ASCC3: variants seen among roughly 807,000 people sequenced by gnomAD.
ASCC3 encodes ASC-1 complex subunit P200.
Under a neutral mutation model 256.3 loss-of-function variants are expected in ASCC3, and 158 were observed. The ratio of observed to expected loss-of-function variants is 0.62; its 90% CI spans 0.54 to 0.70. The LOEUF is 0.70. Ranked by LOEUF, ASCC3 falls within the 30% of genes least tolerant of loss-of-function variation. The pLI, the probability that ASCC3 is intolerant of heterozygous loss-of-function variation, is 0.00. For missense variants in ASCC3, 2,259 were observed against 2,626.0 expected, an observed-to-expected ratio of 0.86 and a Z score of 3.05; for synonymous variants, 948 against 883.4, an observed-to-expected ratio of 1.07 and a Z score of -1.30.
At chr6:100,622,572 C>T (rs1483731595) in intron 30 of ASCC3, among the ~76,000 whole-genome samples, 2 of 151,772 alleles carry the variant, frequency 1.3e-5, no homozygotes, top group African/African-American at 2.4e-5. Flanking sequence ...ACTAATACAC[C>T]TATGTAACAA....
At chr6:100,787,555 T>C (rs749164057) in intron 8 of ASCC3, among the ~76,000 whole-genome samples, 1 of 152,040 alleles carries the variant, frequency 6.6e-6, no homozygotes, top group Non-Finnish European at 1.5e-5. Context: ...ATCGAAGACA[T>C]AGAATAACCA....
rs1458213978 is a variant in ASCC3, at chr6:100,577,308, T to G, written c.5550+12326A>C. Among the ~76,000 whole-genome samples, 3 of 152,172 alleles carry G rather than the reference T, an allele frequency of 2.0e-5. 1 individual carries two copies. The Middle Eastern group carries it at 0.01, about 518-fold the overall frequency. On this transcript the variant is annotated intron_variant, in intron 36 of 41. Coordinates refer to ENST00000369162, the MANE Select transcript of ASCC3 (RefSeq NM_006828.4). ...AAGTAATAAATCAGATGGAACCTCC[T>G]ACTAACTGTGAAAAAGTTACTGTTT...
chr6:100,722,877 C>T (rs182494812), intron 11 of ASCC3, among the ~76,000 whole-genome samples: 1 of 151,804 alleles, frequency 6.6e-6, no homozygotes, highest in African/African-American at 2.4e-5. Context: ...AGCAGCAATT[C>T]ATTGCATAAA....
rs1396700407 is a variant in ASCC3, at chr6:100,861,077, G to C, written c.241+2987C>G. ...AGGAGGTGGTAAAAGGCTGAAATGG[G>C]GCAATGGTAAATATACAGAGTAAAT... On this transcript the variant is annotated intron_variant, in intron 3 of 41. Transcript: ENST00000369162. 2.0e-5 allele frequency among the ~76,000 whole-genome samples: 3 copies of C among 152,048 alleles called. No homozygotes were observed. The East Asian group carries it at 5.8e-4, about 29-fold the overall frequency.
chr6:100,752,636 A>G (rs1780990680), intron 10 of ASCC3, among the ~76,000 whole-genome samples: 1 of 152,076 alleles, frequency 6.6e-6, no homozygotes, highest in Non-Finnish European at 1.5e-5. Context: ...TTATCCTCCA[A>G]CCTTTTAGAA....
intron 13 of ASCC3, among the ~76,000 whole-genome samples, chr6:100,685,937 C>T (rs1777548347): frequency 6.6e-6 from 1 of 152,178 alleles, no homozygotes; most frequent in Non-Finnish European, 1.5e-5. Context: ...CATCTGACCA[C>T]ATTCTTATTC....
chr6:100,534,967 G>A (rs922688485), intron 37 of ASCC3, among the ~76,000 whole-genome samples: 3 of 152,158 alleles, frequency 2.0e-5, no homozygotes, highest in East Asian at 1.9e-4. Context: ...ATGATAAAGC[G>A]AGGAAATAAA....
intron 36 of ASCC3, among the ~76,000 whole-genome samples, chr6:100,587,465 C>T (rs1446639492): frequency 6.6e-6 from 1 of 152,154 alleles, no homozygotes; most frequent in South Asian, 2.1e-4. Flanking sequence ...ATTAAGAAAA[C>T]AGTGTGATAC....
chr6:100,743,745 C>A (rs977779693), intron 10 of ASCC3, among the ~76,000 whole-genome samples: 26 of 152,144 alleles, frequency 1.7e-4, no homozygotes, highest in African/African-American at 6.3e-4. Flanking sequence ...TTCACTCATG[C>A]ATTTATCAAA....
intron 4 of ASCC3, among the ~76,000 whole-genome samples, chr6:100,821,598 G>A (rs1207059195): frequency 6.6e-6 from 1 of 152,138 alleles, no homozygotes; most frequent in East Asian, 1.9e-4. Flanking sequence ...GGCTGAGGTG[G>A]GTGGATCACA....
chr6:100,603,182 A>C (rs1228043304), intron 33 of ASCC3, among the ~76,000 whole-genome samples: 1 of 152,088 alleles, frequency 6.6e-6, no homozygotes, highest in Admixed American at 6.6e-5. Flanking sequence ...TGAATAAATA[A>C]ATTATGAAAT....
intron 5 of ASCC3, 31 bp from the exon 6 acceptor site, chr6:100,800,535 T>A: frequency 6.7e-7 from 1 of 1,495,386 alleles, no homozygotes; most frequent in Non-Finnish European, 9.2e-7. Context: ...ACACAATGTT[T>A]TATAAATCTG....
intron 14 of ASCC3, among the ~76,000 whole-genome samples, chr6:100,666,433 C>T (rs1280331096): frequency 2.6e-5 from 4 of 152,110 alleles, no homozygotes; most frequent in African/African-American, 9.7e-5. Flanking sequence ...TTTGCATTTG[C>T]ATCAGCATTG....
At chr6:100,803,035 T>C (rs1769998755) in intron 5 of ASCC3, among the ~76,000 whole-genome samples, 1 of 151,980 alleles carries the variant, frequency 6.6e-6, no homozygotes, top group South Asian at 2.1e-4. Flanking sequence ...TCAGTAAATA[T>C]CTCTTTATTA....
chr6:100,517,503 C>T (rs1774092528), intron 38 of ASCC3, among the ~76,000 whole-genome samples: 1 of 152,042 alleles, frequency 6.6e-6, no homozygotes, highest in African/African-American at 2.4e-5. Context: ...GGGTTTGGTG[C>T]TAACATAAAC....
Position 100,799,437 on chromosome 6 carries a change from A to C in ASCC3, c.1263T>G (p.Gly421=). 1 of 1,612,412 alleles carries C rather than the reference A, an allele frequency of 6.2e-7. No homozygotes were observed. ...EAMKTSAFIA[G]AKMILPEGIQ... ...TTATATAACAATGACATACCTTTGC[A>C]CCAGCAATAAATGCTGATGTTTTCA... Residue 421 remains glycine, a synonymous_variant, in exon 7 of 42, where the codon GGT becomes GGG. Coordinates refer to ENST00000369162, the MANE Select transcript of ASCC3 (RefSeq NM_006828.4).
intron 3 of ASCC3, chr6:100,856,592 A>G (rs1021744161): frequency 4.0e-6 from 1 of 252,182 alleles, no homozygotes; most frequent in Admixed American, 6.5e-5. Flanking sequence ...GAATCAGAAC[A>G]TTATCAGCTC....
At chr6:100,874,729 A>G (rs1773915984) in intron 1 of ASCC3, among the ~76,000 whole-genome samples, 1 of 152,164 alleles carries the variant, frequency 6.6e-6, no homozygotes, top group Non-Finnish European at 1.5e-5. Context: ...GGAAGAAAGA[A>G]AAATAGTTGC....
chr6:100,677,325 T>C (rs239200), intron 14 of ASCC3, among the ~76,000 whole-genome samples: 11,169 of 147,512 alleles, frequency 0.076, 605 homozygotes, highest in African/African-American at 0.16. Flanking sequence ...AGAAATGTTC[T>C]TCTATTTTAT....
Sources: gnomAD v4.1 joint callset for allele counts (sites outside exome capture counted in the v4.1 genomes callset) on GRCh38, gnomAD v4.1.1 for gene constraint, MANE v1.5 for transcripts, NCBI Gene and HGNC (gene_info 2026-07-23, HGNC 2026-07-21) for gene names.